ACTR3C: variants seen among roughly 807,000 people sequenced by gnomAD.
The protein encoded by ACTR3C is actin-related protein 3C.
In ACTR3C, 18 loss-of-function variants were observed where a neutral mutation model predicts 26.3. The ratio of observed to expected loss-of-function variants is 0.68; its 90% confidence interval spans 0.47 to 1.01. The LOEUF (loss-of-function observed/expected upper bound fraction) is 1.01. Ranked by LOEUF, ACTR3C falls within the 50% of genes least tolerant of loss-of-function variation. The pLI is 0.00. For missense variants in ACTR3C, 184 were observed against 250.7 expected (o/e 0.73, Z 1.80); for synonymous variants, 55 against 94.5 (o/e 0.58, Z 2.42).
chr7:150,039,400 AG>A, the ACTR3C span, among the ~76,000 whole-genome samples: 1 of 63,886 alleles, frequency 1.6e-5, no homozygotes, highest in Non-Finnish European at 3.5e-5. Flanking sequence ...CCGGGGGGGA[AG>A]AGGGACTGGC....
At chr7:149,988,892 T>G in the ACTR3C span, among the ~76,000 whole-genome samples, 1 of 152,252 alleles carries the variant, frequency 6.6e-6, no homozygotes, top group Non-Finnish European at 1.5e-5. Context: ...TTCAACTGAA[T>G]GAGATTTCAA....
At chr7:149,940,868 A>G in the ACTR3C span, among the ~76,000 whole-genome samples, 1 of 150,772 alleles carries the variant, frequency 6.6e-6, no homozygotes, top group African/African-American at 2.4e-5. Flanking sequence ...AGCTGGGCTC[A>G]GGGGTCCTGC....
intron 6 of ACTR3C, chr7:150,264,576 A>C: frequency 2.0e-6 from 2 of 977,976 alleles, no homozygotes; most frequent in Non-Finnish European, 2.4e-6. Flanking sequence ...AATGTATATT[A>C]CCCAGCATAT....
the ACTR3C span, among the ~76,000 whole-genome samples, chr7:149,965,812 T>G: frequency 2.6e-5 from 4 of 152,222 alleles, no homozygotes; most frequent in Non-Finnish European, 5.9e-5. Context: ...TAGATCATCT[T>G]TCCCCTACTT....
At chr7:150,165,193 A>G in the ACTR3C span, among the ~76,000 whole-genome samples, 3 of 152,202 alleles carry the variant, frequency 2.0e-5, no homozygotes, top group African/African-American at 7.2e-5. Flanking sequence ...TCTGATCTCA[A>G]GCAAGTCACT....
chr7:150,036,911 C>G, the ACTR3C span, among the ~76,000 whole-genome samples: 7 of 113,666 alleles, frequency 6.2e-5, 1 homozygote, highest in Non-Finnish European at 1.4e-4. Context: ...CGGGGAGTGC[C>G]TCCCCCCTCT....
At chr7:150,220,614 A>G in the ACTR3C span, among the ~76,000 whole-genome samples, 1 of 151,582 alleles carries the variant, frequency 6.6e-6, no homozygotes, top group East Asian at 1.9e-4. Context: ...GACGCTCAAG[A>G]CCAGAAGCGG....
chr7:150,292,660 G>A (rs1836366968), intron 3 of ACTR3C, among the ~76,000 whole-genome samples: 1 of 152,092 alleles, frequency 6.6e-6, no homozygotes, highest in Non-Finnish European at 1.5e-5. Flanking sequence ...ACCACACCTG[G>A]CTAATTTTGT....
At chr7:150,249,854 C>T (rs1832710985) in intron 6 of ACTR3C, among the ~76,000 whole-genome samples, 1 of 152,190 alleles carries the variant, frequency 6.6e-6, no homozygotes, top group Non-Finnish European at 1.5e-5. Context: ...ATACCTGAGA[C>T]ATGGATATTT....
chr7:149,899,878 T>A, the ACTR3C span, among the ~76,000 whole-genome samples: 2 of 105,382 alleles, frequency 1.9e-5, no homozygotes, highest in African/African-American at 3.2e-5. Flanking sequence ...CACATTATAC[T>A]CAAACTTCTA....
At chr7:150,121,053 C>A in the ACTR3C span, among the ~76,000 whole-genome samples, 2 of 152,138 alleles carry the variant, frequency 1.3e-5, no homozygotes, top group African/African-American at 4.8e-5. Context: ...GCTAAAAACA[C>A]TCAATAAACT....
the ACTR3C span, among the ~76,000 whole-genome samples, chr7:150,135,780 AGAAAGAAAGGAAACGAAAC>A: frequency 1.3e-5 from 2 of 151,872 alleles, no homozygotes; most frequent in Non-Finnish European, 2.9e-5. Context: ...AAAGAAAGAA[AGAAAGAAAGGAAACGAAAC>A]GAAAGAAAGG....
At chr7:150,261,021 G>A (rs1159154629) in intron 6 of ACTR3C, among the ~76,000 whole-genome samples, 2 of 152,084 alleles carry the variant, frequency 1.3e-5, no homozygotes, top group Non-Finnish European at 2.9e-5. Context: ...AGAAATTGAA[G>A]TTTTTAAGCA....
the ACTR3C span, among the ~76,000 whole-genome samples, chr7:150,180,251 G>A: frequency 6.3e-3 from 896 of 143,258 alleles, 11 homozygotes; most frequent in African/African-American, 0.017. Flanking sequence ...CTTGCAGTGA[G>A]CCGAGATCGC....
At chr7:150,307,042 T>C (rs1795854325) in intron 1 of ACTR3C, among the ~76,000 whole-genome samples, 2 of 152,268 alleles carry the variant, frequency 1.3e-5, no homozygotes, top group South Asian at 4.1e-4. Context: ...CTAACCCTTA[T>C]TATTGTCACT....
the ACTR3C span, chr7:149,909,809 C>T: frequency 2.3e-5 from 6 of 257,112 alleles, no homozygotes; most frequent in Admixed American, 6.7e-4. Flanking sequence ...AATAGCAAGC[C>T]TCAGAATACT....
chr7:150,031,218 C>T, the ACTR3C span, among the ~76,000 whole-genome samples: 1 of 151,054 alleles, frequency 6.6e-6, no homozygotes, highest in East Asian at 1.9e-4. Context: ...GATTGTATCA[C>T]TGCACTCCAG....
At chr7:150,102,151 G>A in the ACTR3C span, among the ~76,000 whole-genome samples, 1 of 151,518 alleles carries the variant, frequency 6.6e-6, no homozygotes, top group African/African-American at 2.4e-5. Flanking sequence ...GGATACTAAG[G>A]TCTAGCATAA....
the ACTR3C span, among the ~76,000 whole-genome samples, chr7:150,161,202 TTATATA>T: frequency 4.9e-3 from 503 of 103,002 alleles, 39 homozygotes; most frequent in African/African-American, 0.022. Context: ...AGGAAAGTAT[TTATATA>T]TATATATATA....
Sources: allele counts gnomAD v4.1 joint callset (sites outside exome capture counted in the v4.1 genomes callset), GRCh38; gene constraint gnomAD v4.1.1; transcripts MANE v1.5; gene names NCBI Gene and HGNC (gene_info 2026-07-23, HGNC 2026-07-21).